The following PTPRD variants were observed in gnomAD, a reference collection of about 807,000 sequenced individuals.
The protein encoded by PTPRD is receptor-type tyrosine-protein phosphatase delta.
A neutral mutation model predicts 214.5 loss-of-function variants in PTPRD; 34 were observed. The ratio of observed to expected loss-of-function variants is 0.16; its 90% confidence interval spans 0.12 to 0.21. PTPRD has a LOEUF of 0.21. Among genes scored for constraint, PTPRD ranks in the 10% least tolerant of loss-of-function variants. The probability of loss-of-function intolerance (pLI) is 1.00; values close to 1 mark genes in which losing one functional copy is unlikely to be tolerated. For synonymous variants in PTPRD, 1,128 were observed against 845.7 expected (o/e 1.33, Z -5.79); for missense variants, 2,545 against 2,398.7 (o/e 1.06, Z -1.27).
chr9:9,965,348 G>T (rs536283652), intron 4 of PTPRD, among the ~76,000 whole-genome samples: 1 of 152,240 alleles, frequency 6.6e-6, no homozygotes, highest in South Asian at 2.1e-4. Flanking sequence ...TTAATGAGAG[G>T]AGAAGGCTTT....
intron 10 of PTPRD, among the ~76,000 whole-genome samples, chr9:9,086,878 T>C (rs1049170245): frequency 4.0e-5 from 6 of 151,874 alleles, no homozygotes; most frequent in East Asian, 1.9e-4. Context: ...AACTAAGAGA[T>C]ACAAAGGAAT....
At chr9:8,995,797 T>G (rs988840989) in intron 11 of PTPRD, among the ~76,000 whole-genome samples, 3 of 151,692 alleles carry the variant, frequency 2.0e-5, no homozygotes, top group Admixed American at 2.0e-4. Context: ...TAGTTTATAT[T>G]TTACCATGTT....
chr9:9,187,953 G>T (rs2099932676), intron 9 of PTPRD, among the ~76,000 whole-genome samples: 2 of 151,872 alleles, frequency 1.3e-5, no homozygotes, highest in Non-Finnish European at 2.9e-5. Context: ...TGCACTTATA[G>T]AAAAGTACAT....
intron 2 of PTPRD, among the ~76,000 whole-genome samples, chr9:10,509,947 C>G (rs147218663): frequency 6.6e-6 from 1 of 152,152 alleles, no homozygotes; most frequent in East Asian, 1.9e-4. Flanking sequence ...ACGAGGTTCA[C>G]TCTAGTATTC....
At chr9:10,320,524 T>A (rs953241752) in intron 3 of PTPRD, among the ~76,000 whole-genome samples, 5 of 152,038 alleles carry the variant, frequency 3.3e-5, no homozygotes, top group African/African-American at 9.7e-5. Flanking sequence ...TTGCAACATC[T>A]CTTTCATCAG....
At chr9:9,892,857 T>A (rs1349593839) in intron 5 of PTPRD, among the ~76,000 whole-genome samples, 1 of 152,032 alleles carries the variant, frequency 6.6e-6, no homozygotes, top group African/African-American at 2.4e-5. Context: ...AGGTACTGGT[T>A]ATAGTACATA....
chr9:9,426,226 A>G (rs2080861487), intron 8 of PTPRD, among the ~76,000 whole-genome samples: 1 of 152,176 alleles, frequency 6.6e-6, no homozygotes, highest in Admixed American at 6.5e-5. Flanking sequence ...GCACTTTTCC[A>G]ACAGTCTTAG....
chr9:9,124,507 G>T (rs1592020896), intron 10 of PTPRD, among the ~76,000 whole-genome samples: 1 of 152,180 alleles, frequency 6.6e-6, no homozygotes, highest in Non-Finnish European at 1.5e-5. Context: ...GGCCATAATT[G>T]CTTTCAAGAC....
At chr9:9,122,672 C>G (rs766925737) in intron 10 of PTPRD, among the ~76,000 whole-genome samples, 1 of 152,178 alleles carries the variant, frequency 6.6e-6, no homozygotes, top group Non-Finnish European at 1.5e-5. Flanking sequence ...TGATTTGGCT[C>G]AGAAGTCCAG....
intron 9 of PTPRD, among the ~76,000 whole-genome samples, chr9:9,193,476 T>G (rs975897100): frequency 1.3e-5 from 2 of 152,176 alleles, no homozygotes; most frequent in African/African-American, 4.8e-5. Context: ...GATTTTTCAT[T>G]GTATGCACAC....
chr9:9,891,279 C>A (rs536144542), intron 5 of PTPRD, among the ~76,000 whole-genome samples: 1 of 151,986 alleles, frequency 6.6e-6, no homozygotes, highest in African/African-American at 2.4e-5. Context: ...ATGCAATAAA[C>A]TCCCAATTAT....
At chr9:8,419,035 A>G (rs1404397994) in intron 35 of PTPRD, among the ~76,000 whole-genome samples, 1 of 151,998 alleles carries the variant, frequency 6.6e-6, no homozygotes, top group Non-Finnish European at 1.5e-5. Flanking sequence ...CCTCAGCAAC[A>G]TAGTGAGACA....
At chr9:10,292,421 A>G (rs541970340) in intron 3 of PTPRD, among the ~76,000 whole-genome samples, 1 of 152,088 alleles carries the variant, frequency 6.6e-6, no homozygotes, top group Non-Finnish European at 1.5e-5. Flanking sequence ...TCTGCTCAAA[A>G]CCTTCCAATA....
intron 2 of PTPRD, among the ~76,000 whole-genome samples, chr9:10,532,667 TA>T (rs1372501050): frequency 6.7e-6 from 1 of 148,810 alleles, no homozygotes; most frequent in Admixed American, 6.8e-5. Context: ...GATATTTCTT[TA>T]AAAACATTGC....
chr9:9,552,519 T>C (rs1267545948), intron 8 of PTPRD, among the ~76,000 whole-genome samples: 3 of 152,068 alleles, frequency 2.0e-5, no homozygotes, highest in Non-Finnish European at 4.4e-5. Flanking sequence ...ATGAAATGAA[T>C]TGTGCCAATT....
At chr9:9,070,203 C>A (rs2154407945) in intron 10 of PTPRD, among the ~76,000 whole-genome samples, 1 of 152,238 alleles carries the variant, frequency 6.6e-6, no homozygotes, top group East Asian at 1.9e-4. Context: ...TCTAGACTTA[C>A]ACAGAGGTTG....
chr9:10,009,957 T>C (rs1299288509), intron 4 of PTPRD, among the ~76,000 whole-genome samples: 1 of 151,876 alleles, frequency 6.6e-6, no homozygotes, highest in Non-Finnish European at 1.5e-5. Flanking sequence ...TAATGAAGCA[T>C]ATCCAATTCT....
At chr9:9,897,646 G>A (rs769830200) in intron 5 of PTPRD, among the ~76,000 whole-genome samples, 49 of 151,854 alleles carry the variant, frequency 3.2e-4, no homozygotes, top group Non-Finnish European at 5.3e-4. Context: ...ATGTAATATG[G>A]ACAATTTAAA....
intron 3 of PTPRD, among the ~76,000 whole-genome samples, chr9:10,128,908 T>C (rs143420858): frequency 6.6e-6 from 1 of 152,288 alleles, no homozygotes; most frequent in Non-Finnish European, 1.5e-5. Flanking sequence ...GTCTTATATA[T>C]TTAAACACAA....
Sources: allele counts gnomAD v4.1 joint callset (sites outside exome capture counted in the v4.1 genomes callset), GRCh38; gene constraint gnomAD v4.1.1; transcripts MANE v1.5; gene names NCBI Gene and HGNC (gene_info 2026-07-23, HGNC 2026-07-21).